CNOT10: variants seen among roughly 807,000 people sequenced by gnomAD.
The protein encoded by CNOT10 is CCR4-NOT transcription complex subunit 10.
CNOT10 carries 30 observed loss-of-function variants against 94.6 expected under a neutral mutation model. The observed-to-expected ratio is 0.32, with a 90% CI of 0.24 to 0.43. The LOEUF (loss-of-function observed/expected upper bound fraction) is 0.43, where lower values mean the gene tolerates loss of function less well. CNOT10 is among the 20% of genes least tolerant of loss of function. The probability of loss-of-function intolerance (pLI) is 1.00; values close to 1 mark genes in which losing one functional copy is unlikely to be tolerated. For missense variants in CNOT10, 759 were observed against 877.2 expected, an observed-to-expected ratio of 0.87 and a Z score of 1.70; for synonymous variants, 289 against 301.6, an observed-to-expected ratio of 0.96 and a Z score of 0.43.
chr3:32,700,826 A>T (rs140360901), intron 1 of CNOT10, among the ~76,000 whole-genome samples: 3 of 152,232 alleles, frequency 2.0e-5, no homozygotes, highest in African/African-American at 7.2e-5. Flanking sequence ...TACAGTGGTC[A>T]CATTTCCTTT....
chr3:32,721,075 T>A, intron 8 of CNOT10, among the ~76,000 whole-genome samples: 1 of 143,308 alleles, frequency 7.0e-6, no homozygotes, highest in African/African-American at 2.5e-5. Context: ...TTTTTTTTTT[T>A]TTTTGACAGA....
chr3:32,746,812 G>A (rs1699718977), intron 13 of CNOT10, among the ~76,000 whole-genome samples: 1 of 144,670 alleles, frequency 6.9e-6, no homozygotes, highest in African/African-American at 2.6e-5. Flanking sequence ...ACTCCAGCCT[G>A]GGCGACAGAG....
At chr3:32,726,889 C>T (rs1698696926) in intron 9 of CNOT10, among the ~76,000 whole-genome samples, 1 of 129,438 alleles carries the variant, frequency 7.7e-6, no homozygotes, top group Non-Finnish European at 1.6e-5. Context: ...CCCTGTTGCC[C>T]AAGCTGGAGT....
intron 13 of CNOT10, among the ~76,000 whole-genome samples, chr3:32,740,084 G>A (rs1699392478): frequency 6.6e-6 from 1 of 152,076 alleles, no homozygotes; most frequent in African/African-American, 2.4e-5. Context: ...ATGACAGATC[G>A]AGGCTCTGTC....
intron 17 of CNOT10, 72 bp downstream of exon 17, chr3:32,764,881 A>C: frequency 1.3e-6 from 2 of 1,577,572 alleles, no homozygotes; most frequent in Non-Finnish European, 1.7e-6. Flanking sequence ...ATTTTTTGTT[A>C]CTTTGTTTGA....
intron 10 of CNOT10, among the ~76,000 whole-genome samples, chr3:32,732,183 GAGTTTGAGACT>G (rs1472562729): frequency 6.6e-6 from 1 of 152,020 alleles, no homozygotes; most frequent in Non-Finnish European, 1.5e-5. Context: ...TTGAGGTCAG[GAGTTTGAGACT>G]AGCCTGGCCA....
Position 32,703,777 on chromosome 3 carries a change from G to A in CNOT10, c.23-91G>A, listed in dbSNP as rs192754724. 1.1e-4 allele frequency: 89 copies of A among 812,710 alleles called. No homozygotes were observed. In the African/African-American group the frequency reaches 1.3e-3, roughly 12 times the overall value. 50.3% of individuals were successfully genotyped at this position (812,710 alleles called of 1,614,324 possible). ...CTGATATTTTCATACTTGACCTTGG[G>A]TAACTGAAACTGCAGAAAGTGAAAC... On this transcript the variant is annotated intron_variant, in intron 1 of 18. Coordinates refer to ENST00000328834, the MANE Select transcript of CNOT10 (RefSeq NM_015442.3).
At chr3:32,757,436 C>T (rs181175746) in intron 13 of CNOT10, among the ~76,000 whole-genome samples, 29 of 152,158 alleles carry the variant, frequency 1.9e-4, no homozygotes, top group African/African-American at 5.1e-4. Context: ...GTCTCAGCCT[C>T]CCAAAGTGCT....
chr3:32,689,627 T>C (rs1357624568), intron 1 of CNOT10, among the ~76,000 whole-genome samples: 1 of 152,192 alleles, frequency 6.6e-6, no homozygotes, highest in Non-Finnish European at 1.5e-5. Context: ...GTGTTAGTTG[T>C]GTTCTAGCTC....
chr3:32,702,213 A>G (rs2125511097), intron 1 of CNOT10, among the ~76,000 whole-genome samples: 1 of 151,736 alleles, frequency 6.6e-6, no homozygotes, highest in East Asian at 1.9e-4. Flanking sequence ...CTCGTGCCTC[A>G]GCCTCCCAAG....
chr3:32,768,333 G>C (rs1047903431), intron 17 of CNOT10, among the ~76,000 whole-genome samples: 2 of 151,452 alleles, frequency 1.3e-5, no homozygotes, highest in African/African-American at 4.9e-5. Context: ...TGTAATCCCA[G>C]CACTTTGGGA....
chr3:32,740,018 G>A lies in CNOT10; in HGVS notation c.1595+2528G>A, dbSNP rs796077685. The stretch of plus-strand genomic sequence containing the variant: ...GGCTGAGGTGGGAGGATCACTTTAA[G>A]CCCTGGAGGTCATGGCTGCAGTAAG... On this transcript the variant is annotated intron_variant, in intron 13 of 18. Transcript: ENST00000328834. Among the ~76,000 whole-genome samples the A allele has an allele frequency of 4.6e-5, 7 of 152,220 alleles. No individual in the cohort carries two copies. The East Asian group carries it at 1.2e-3, about 25-fold the overall frequency.
At position 32,735,034 on chromosome 3, in the gene CNOT10, C is replaced by T. The variant is rs140087105; in HGVS notation, c.1514+58C>T. The T allele has an allele frequency of 2.2e-4, 313 of 1,397,868 alleles. 2 individuals are homozygous for T. In the African/African-American group the frequency reaches 3.1e-3, roughly 14 times the overall value. 86.6% of individuals were successfully genotyped at this position (1,397,868 alleles called of 1,614,324 possible). On this transcript the variant is annotated intron_variant, in intron 12 of 18. Coordinates refer to ENST00000328834, the MANE Select transcript of CNOT10 (RefSeq NM_015442.3). The stretch of plus-strand genomic sequence containing the variant: ...ATCCTTTCAGGACTTCTTTAGTAAA[C>T]CCTTTGTTCTTTAAGTAAATTCCTA...
At chr3:32,751,878 C>T (rs1699980290) in intron 13 of CNOT10, among the ~76,000 whole-genome samples, 1 of 152,186 alleles carries the variant, frequency 6.6e-6, no homozygotes, top group Non-Finnish European at 1.5e-5. Context: ...AGGATCCTAC[C>T]TGTGTGACAT....
intron 7 of CNOT10, among the ~76,000 whole-genome samples, chr3:32,718,196 A>G (rs948796578): frequency 2.0e-5 from 3 of 151,482 alleles, no homozygotes; most frequent in East Asian, 3.9e-4. Context: ...TTTGAGAACA[A>G]TTGTGGCCTA....
intron 1 of CNOT10, among the ~76,000 whole-genome samples, chr3:32,698,010 C>G (rs189494126): frequency 2.6e-5 from 4 of 152,306 alleles, no homozygotes; most frequent in Admixed American, 6.5e-5. Flanking sequence ...AACTTGCCTT[C>G]TGAGGTCCTA....
chr3:32,716,281 A>C lies in CNOT10; in HGVS notation c.630A>C (p.Leu210=), dbSNP rs1054756038. The C allele has an allele frequency of 6.2e-7, 1 of 1,603,556 alleles. No homozygotes were observed. The highest frequency in any genetic ancestry group is 8.5e-7 in the Non-Finnish European group (1 of 1,173,740). The change falls in exon 6 of 19, where the codon CTA becomes CTC. Residue 210 remains leucine, a synonymous_variant. Transcript: ENST00000328834. ...ATCATAAAGCTGAAAGTGGAGCTCT[A>C]ATAGAAGCTGCAAAATCAAAGATAC... is the stretch of plus-strand genomic sequence containing the variant. The part of the protein sequence containing the change: ...GSNHKAESGA[L]IEAAKSKIHQ...
At chr3:32,747,449 A>G (rs1002482264) in intron 13 of CNOT10, among the ~76,000 whole-genome samples, 6 of 152,142 alleles carry the variant, frequency 3.9e-5, no homozygotes, top group Non-Finnish European at 8.8e-5. Context: ...AAATAAATAA[A>G]ATAAAAATAA....
chr3:32,770,958 C>T (rs1188679270), intron 18 of CNOT10, among the ~76,000 whole-genome samples: 3 of 152,112 alleles, frequency 2.0e-5, no homozygotes, highest in African/African-American at 7.2e-5. Context: ...GGTGATCTGC[C>T]TGCCTCGGCC....
Sources: allele counts gnomAD v4.1 joint callset (sites outside exome capture counted in the v4.1 genomes callset), GRCh38; gene constraint gnomAD v4.1.1; transcripts MANE v1.5; gene names NCBI Gene and HGNC (gene_info 2026-07-23, HGNC 2026-07-21).